E2F3: variants seen among roughly 807,000 people sequenced by gnomAD.
E2F3 encodes transcription factor E2F3.
Under a neutral mutation model 44.4 loss-of-function variants are expected in E2F3, and 11 were observed. The ratio of observed to expected loss-of-function variants is 0.25; its 90% CI spans 0.16 to 0.41. E2F3 has a LOEUF of 0.41. Among genes scored for constraint, E2F3 ranks in the 10% least tolerant of loss-of-function variants. The pLI is 1.00. For synonymous variants in E2F3, 249 were observed against 253.0 expected (o/e 0.98, Z 0.15); for missense variants, 487 against 583.6 (o/e 0.83, Z 1.70).
In E2F3 at chr6:20,490,404, C is replaced by G. The variant is rs1374080052; in HGVS notation, c.1372C>G (p.Leu458Val). The G allele has an allele frequency of 2.5e-6, 4 of 1,597,608 alleles. No homozygotes were observed. In the East Asian group the frequency reaches 8.9e-5, roughly 36 times the overall value. The change falls in exon 7 of 7, where the codon CTG becomes GTG. Residue 458 changes from leucine (L) to valine (V), a missense_variant. Coordinates refer to ENST00000346618, the MANE Select transcript of E2F3 (RefSeq NM_001949.5). This position sits in a 1 kb window ranked among gnomAD's most constrained non-coding sequence, Gnocchi z 4.3. Reference sequence around the variant, plus strand: ...TGCTTACGATTTGGAAAAGCTCCCACTGGTGGAAGACTTCATGTGTAGTTG... The same window carrying G: ...TGCTTACGATTTGGAAAAGCTCCCAGTGGTGGAAGACTTCATGTGTAGTTG... ...FDAYDLEKLP[L>V]VEDFMCS
chr6:20,478,766 C>T lies in E2F3; in HGVS notation c.394-1080C>T, dbSNP rs914173008. Reference sequence around the variant, plus strand: ...CAGAGGTTGCAGTGAGCCAAGATCGCGCCACTCCACTCCAGCCTGGGCGAC... The same window carrying T: ...CAGAGGTTGCAGTGAGCCAAGATCGTGCCACTCCACTCCAGCCTGGGCGAC... On this transcript the variant is annotated intron_variant, in intron 1 of 6. Transcript: ENST00000346618. Among the ~76,000 whole-genome samples the T allele has an allele frequency of 8.6e-5, 13 of 152,014 alleles. No homozygotes were observed. In the South Asian group the frequency reaches 1.0e-3, roughly 12 times the overall value.
intron 1 of E2F3, among the ~76,000 whole-genome samples, chr6:20,467,420 C>T (rs897515009): frequency 7.2e-5 from 11 of 152,208 alleles, no homozygotes; most frequent in African/African-American, 2.7e-4. Flanking sequence ...AAATTACTCT[C>T]ACAGTGCATT....
At chr6:20,423,914 A>AG (rs1210603511) in intron 1 of E2F3, among the ~76,000 whole-genome samples, 1 of 151,848 alleles carries the variant, frequency 6.6e-6, no homozygotes, top group East Asian at 1.9e-4. Flanking sequence ...GATTACAGGT[A>AG]CCTGCCACCA....
intron 1 of E2F3, among the ~76,000 whole-genome samples, chr6:20,422,999 T>G (rs1760077892): frequency 6.6e-6 from 1 of 152,234 alleles, no homozygotes; most frequent in South Asian, 2.1e-4. Flanking sequence ...ACCTTCAGTT[T>G]GTAAAACACT....
At chr6:20,414,142 C>T (rs1387416254) in intron 1 of E2F3, among the ~76,000 whole-genome samples, 1 of 152,180 alleles carries the variant, frequency 6.6e-6, no homozygotes, top group Non-Finnish European at 1.5e-5. Flanking sequence ...ACCTGGTCTC[C>T]CTAGCTTACA....
chr6:20,486,701 T>A lies in E2F3; in HGVS notation c.897T>A (p.Val299=), dbSNP rs776914629. The change falls in exon 5 of 7, where the codon GTT becomes GTA. Residue 299 remains valine, a synonymous_variant. Transcript: ENST00000346618. ...TGACACTCTTTACGTTAGCTTATGT[T>A]ACATATCAAGATATTCGAAAAATTA... The part of the protein sequence containing the change: ...EDSENQRLAY[V]TYQDIRKISG... 1 of 1,593,880 alleles carries A rather than the reference T, an allele frequency of 6.3e-7. No homozygotes were observed. Among genetic ancestry groups the A allele is most frequent in the South Asian group, 1.1e-5 (1 of 89,790 alleles).
chr6:20,433,681 T>G (rs1448612313), intron 1 of E2F3, among the ~76,000 whole-genome samples: 1 of 152,196 alleles, frequency 6.6e-6, no homozygotes, highest in African/African-American at 2.4e-5. Context: ...TAAATTGCTT[T>G]TTAATATTTT....
intron 1 of E2F3, among the ~76,000 whole-genome samples, chr6:20,432,371 G>C (rs1033136140): frequency 8.5e-5 from 13 of 152,220 alleles, no homozygotes; most frequent in Non-Finnish European, 1.5e-4. Flanking sequence ...CTTCTGCTCT[G>C]TACATGGAGA....
At chr6:20,410,672 G>C (rs1759642137) in intron 1 of E2F3, among the ~76,000 whole-genome samples, 1 of 152,198 alleles carries the variant, frequency 6.6e-6, no homozygotes, top group Non-Finnish European at 1.5e-5. Context: ...AGGCTGAAAT[G>C]CAATGGTGCA....
At chr6:20,463,110 C>A (rs1372800550) in intron 1 of E2F3, among the ~76,000 whole-genome samples, 1 of 151,826 alleles carries the variant, frequency 6.6e-6, no homozygotes, top group Non-Finnish European at 1.5e-5. Context: ...TTGGTAGAGA[C>A]CGGGTCTTGC....
At chr6:20,444,792 AG>A (rs1760886806) in intron 1 of E2F3, among the ~76,000 whole-genome samples, 1 of 152,240 alleles carries the variant, frequency 6.6e-6, no homozygotes, top group Admixed American at 6.5e-5. Flanking sequence ...TTTTGTTGCT[AG>A]GTCTTGGAAA....
At chr6:20,488,884 C>T (rs1437174525) in intron 6 of E2F3, among the ~76,000 whole-genome samples, 3 of 152,100 alleles carry the variant, frequency 2.0e-5, no homozygotes, top group Admixed American at 6.6e-5. Context: ...ATCCCTGCTA[C>T]TCGGGAGGCT....
intron 4 of E2F3, among the ~76,000 whole-genome samples, chr6:20,484,952 CAA>C (rs575881477): frequency 3.0e-4 from 19 of 62,394 alleles, no homozygotes; most frequent in African/African-American, 4.9e-4. Flanking sequence ...GAGTCCGTCT[CAA>C]AAAAAAAAAA....
chr6:20,442,260 G>A (rs998106922), intron 1 of E2F3, among the ~76,000 whole-genome samples: 7 of 152,114 alleles, frequency 4.6e-5, no homozygotes, highest in Admixed American at 6.6e-5. Flanking sequence ...AAGTATGCTC[G>A]CCCTGCCTCC....
chr6:20,442,486 G>A (rs539719308), intron 1 of E2F3, among the ~76,000 whole-genome samples: 6 of 152,246 alleles, frequency 3.9e-5, no homozygotes, highest in East Asian at 1.9e-4. Context: ...CACAACATGC[G>A]GTGTTTCGTG....
At chr6:20,455,418 A>T (rs1174632112) in intron 1 of E2F3, among the ~76,000 whole-genome samples, 1 of 152,034 alleles carries the variant, frequency 6.6e-6, no homozygotes, top group African/African-American at 2.4e-5. Context: ...CTCTTTGGAG[A>T]CTCTGACCTA....
chr6:20,485,234 C>G (rs559357013), intron 4 of E2F3, among the ~76,000 whole-genome samples: 68 of 152,020 alleles, frequency 4.5e-4, no homozygotes, highest in Non-Finnish European at 9.0e-4. Context: ...TCATGATAGC[C>G]TTTTAGGCTT....
intron 1 of E2F3, among the ~76,000 whole-genome samples, chr6:20,430,332 A>G (rs1760359409): frequency 6.6e-6 from 1 of 152,234 alleles, no homozygotes; most frequent in African/African-American, 2.4e-5. Flanking sequence ...CTCTAAAGAT[A>G]GGACTCAGGA....
At chr6:20,467,715 C>T (rs1280131716) in intron 1 of E2F3, among the ~76,000 whole-genome samples, 5 of 152,198 alleles carry the variant, frequency 3.3e-5, no homozygotes, top group Non-Finnish European at 4.4e-5. Context: ...TTCATTCTAG[C>T]TATTACAGAT....
Sources: gnomAD v4.1 joint callset for allele counts (sites outside exome capture counted in the v4.1 genomes callset) on GRCh38, gnomAD v4.1.1 for gene constraint, Gnocchi (gnomAD v3.1) non-coding constraint, MANE v1.5 for transcripts, NCBI Gene and HGNC (gene_info 2026-07-23, HGNC 2026-07-21) for gene names.